Variants in COL19A1 observed in about 807,000 individuals in gnomAD.
COL19A1 encodes the protein collagen alpha-1(XIX) chain.
COL19A1 carries 159 observed loss-of-function variants against 190.2 expected under a neutral mutation model. The ratio of observed to expected loss-of-function variants is 0.84; its 90% CI spans 0.73 to 0.95. The LOEUF is 0.95. Among genes scored for constraint, COL19A1 ranks in the 40% least tolerant of loss-of-function variants. COL19A1 has a pLI of 0.00. For synonymous variants in COL19A1, 509 were observed against 458.9 expected (o/e 1.11, Z -1.39); for missense variants, 1,418 against 1,431.9 (o/e 0.99, Z 0.16).
At chr6:70,151,910 A>G (rs902172569) in intron 31 of COL19A1, among the ~76,000 whole-genome samples, 3 of 152,158 alleles carry the variant, frequency 2.0e-5, no homozygotes, top group Non-Finnish European at 2.9e-5. Context: ...TTTTGATGTC[A>G]TAGGATTTTA....
At chr6:69,938,979 T>G (rs1429811383) in intron 9 of COL19A1, among the ~76,000 whole-genome samples, 1 of 152,134 alleles carries the variant, frequency 6.6e-6, no homozygotes, top group Non-Finnish European at 1.5e-5. Context: ...TCTAAATTAT[T>G]TGTATAATCT....
chr6:69,873,711 C>T (rs1299496088), intron 1 of COL19A1, among the ~76,000 whole-genome samples: 1 of 152,164 alleles, frequency 6.6e-6, no homozygotes, highest in East Asian at 1.9e-4. Context: ...TAACCCAATG[C>T]CTTAAAGACC....
intron 12 of COL19A1, 25 bp downstream of exon 12, chr6:70,023,705 ACT>A: frequency 6.3e-7 from 1 of 1,593,444 alleles, no homozygotes; most frequent in Non-Finnish European, 8.5e-7. Flanking sequence ...TTTTTCTGAT[ACT>A]CTGTTTACAT....
At chr6:69,890,758 A>G (rs1769288576) in intron 2 of COL19A1, 1 of 152,372 alleles carries the variant, frequency 6.6e-6, no homozygotes, top group Non-Finnish European at 1.5e-5. Context: ...GTGAGGGAGA[A>G]GAGGTTATTT....
At chr6:70,089,946 T>C (rs1782801899) in intron 15 of COL19A1, among the ~76,000 whole-genome samples, 1 of 152,124 alleles carries the variant, frequency 6.6e-6, no homozygotes, top group African/African-American at 2.4e-5. Flanking sequence ...TATATTCAGT[T>C]ACATAAAATG....
At chr6:69,994,767 T>C (rs753441789) in intron 11 of COL19A1, among the ~76,000 whole-genome samples, 2 of 152,096 alleles carry the variant, frequency 1.3e-5, no homozygotes, top group Non-Finnish European at 2.9e-5. Flanking sequence ...CCCAGATGAT[T>C]CCTGATGATA....
chr6:69,889,710 C>T (rs1371620966), intron 2 of COL19A1, among the ~76,000 whole-genome samples: 2 of 152,144 alleles, frequency 1.3e-5, no homozygotes, highest in Admixed American at 1.3e-4. Flanking sequence ...TAAAAACGCA[C>T]CAATCAGCGC....
chr6:69,894,367 A>G (rs577246931), intron 2 of COL19A1, among the ~76,000 whole-genome samples: 74 of 152,350 alleles, frequency 4.9e-4, no homozygotes, highest in African/African-American at 1.7e-3. Flanking sequence ...AGCAAGTCAA[A>G]TAGTTCTCAA....
chr6:70,043,544 C>T (rs996082789), intron 14 of COL19A1, among the ~76,000 whole-genome samples: 2 of 152,194 alleles, frequency 1.3e-5, no homozygotes, highest in Admixed American at 1.3e-4. Context: ...TACTCCTTCA[C>T]CCATGGGCTG....
rs187691186 is a variant in COL19A1 at position 70,209,320 on chromosome 6, T to C, written c.*2046T>C. On this transcript the variant is annotated 3_prime_UTR_variant, in exon 51 of 51. Transcript: ENST00000620364. ...AAGATTATTTTTTCATATTAATAGG[T>C]TGTTTATCTTTTTGCCTGTTTGCTA... The C allele has an allele frequency of 6.6e-6, 1 of 152,604 alleles. No individual in the cohort carries two copies. Among genetic ancestry groups the C allele is most frequent in the East Asian group, 1.9e-4 (1 of 5,184 alleles). 9.5% of individuals were successfully genotyped at this position (152,604 alleles called of 1,614,324 possible). A position where few individuals can be genotyped will look rare whatever the true frequency, so the allele number is the denominator to read the frequency against.
chr6:69,891,917 C>T (rs1769377984), intron 2 of COL19A1, among the ~76,000 whole-genome samples: 1 of 152,170 alleles, frequency 6.6e-6, no homozygotes, highest in African/African-American at 2.4e-5. Context: ...TATCCTAGGG[C>T]TTTGACCAGA....
chr6:70,074,440 A>G (rs1324267969), intron 15 of COL19A1, among the ~76,000 whole-genome samples: 2 of 144,320 alleles, frequency 1.4e-5, no homozygotes, highest in Non-Finnish European at 3.0e-5. Context: ...TGGAAGTTGC[A>G]GTGAGCCGAG....
chr6:69,997,034 G>T lies in COL19A1; in HGVS notation c.1027-26593G>T, dbSNP rs567217362. 9.0e-3 allele frequency among the ~76,000 whole-genome samples: 1,298 copies of T among 144,140 alleles called. 8 individuals are homozygous for T. Among genetic ancestry groups the T allele is most frequent in the African/African-American group, 0.026 (927 of 35,282 alleles). The allele number at this position is 144,140 out of a possible 152,430, so 94.6% of individuals were successfully genotyped here. ...ATATACATATATATATATAGAGAGAGAGAGAGAGAGAGAGAAAGAGAACCA... is the reference window on the plus strand; with the variant it reads ...ATATACATATATATATATAGAGAGATAGAGAGAGAGAGAGAAAGAGAACCA... On this transcript the variant is annotated intron_variant, in intron 11 of 50. Transcript: ENST00000620364.
At position 70,140,566 on chromosome 6, in the gene COL19A1, G is replaced by A. The variant is rs115749700; in HGVS notation, c.1447-388G>A. Among the ~76,000 whole-genome samples, 696 of 152,140 alleles carry A rather than the reference G, an allele frequency of 4.6e-3. 10 individuals carry two copies. The highest frequency in any genetic ancestry group is 0.016 in the African/African-American group (664 of 41,536). On this transcript the variant is annotated intron_variant, in intron 19 of 50. Coordinates refer to ENST00000620364, the MANE Select transcript of COL19A1 (RefSeq NM_001858.6). ...ACCAACTGGAAGAATTCAAGTGAAT[G>A]TCTTTCCCTTCAACGTTTTTATCAA...
At chr6:69,874,773 G>C (rs2248317) in intron 1 of COL19A1, among the ~76,000 whole-genome samples, 1 of 151,770 alleles carries the variant, frequency 6.6e-6, no homozygotes, top group Non-Finnish European at 1.5e-5. Flanking sequence ...AAAAAAAGAA[G>C]TGTGCAAAGA....
intron 4 of COL19A1, among the ~76,000 whole-genome samples, chr6:69,924,157 G>A (rs1436528126): frequency 6.6e-6 from 1 of 151,962 alleles, no homozygotes; most frequent in African/African-American, 2.4e-5. Context: ...CAATGTGCAG[G>A]TTTGTTACAT....
chr6:70,147,294 G>A (rs943717927), intron 27 of COL19A1, among the ~76,000 whole-genome samples: 3 of 152,118 alleles, frequency 2.0e-5, no homozygotes, highest in African/African-American at 2.4e-5. Context: ...TAAGTGAAAT[G>A]ACACCAAAAA....
rs575350043 is a variant in COL19A1 at position 69,956,410 on chromosome 6, T to G, written c.937-3586T>G. Among the ~76,000 whole-genome samples, 3 of 152,124 alleles carry G rather than the reference T, an allele frequency of 2.0e-5. No individual in the cohort carries two copies. The South Asian group carries it at 6.2e-4, about 31-fold the overall frequency. On this transcript the variant is annotated intron_variant, in intron 9 of 50. Transcript: ENST00000620364. ...ATATATATATTTTTAACTTGGTAAT[T>G]TATTTCTTAGAATGAAGTCCCAAAA...
chr6:70,057,504 C>T (rs1189728521), intron 14 of COL19A1, among the ~76,000 whole-genome samples: 1 of 152,030 alleles, frequency 6.6e-6, no homozygotes, highest in Non-Finnish European at 1.5e-5. Flanking sequence ...GCTAAAACTA[C>T]ACCATTAAAA....
Sources: gnomAD v4.1 joint callset for allele counts (sites outside exome capture counted in the v4.1 genomes callset) on GRCh38, gnomAD v4.1.1 for gene constraint, MANE v1.5 for transcripts, NCBI Gene and HGNC (gene_info 2026-07-23, HGNC 2026-07-21) for gene names.